Variants in LAMB4 observed in about 807,000 individuals in gnomAD.
LAMB4 encodes the protein laminin subunit beta 4, also known as laminin subunit beta-4.
A neutral mutation model predicts 199.2 loss-of-function variants in LAMB4; 196 were observed. The ratio of observed to expected loss-of-function variants is 0.98; its 90% CI spans 0.88 to 1.11. The LOEUF is 1.11. LAMB4 is among the 50% of genes least tolerant of loss of function. The pLI is 0.00. For missense variants in LAMB4, 2,080 were observed against 2,171.2 expected (o/e 0.96, Z 0.83); for synonymous variants, 744 against 770.6 (o/e 0.97, Z 0.57).
In LAMB4 at chr7:108,120,824, T is replaced by C. The variant is rs2038572137; in HGVS notation, c.34+2307A>G. 2.0e-5 allele frequency among the ~76,000 whole-genome samples: 3 copies of C among 152,248 alleles called. No homozygotes were observed. The South Asian group carries it at 6.2e-4, about 31-fold the overall frequency. ...CTGGATTTTTTTTTAATTGGAATTG[T>C]TGCCTTAGAGATTTAACATGTTTTT... On this transcript the variant is annotated intron_variant, in intron 2 of 33. Coordinates refer to ENST00000388781, the MANE Select transcript of LAMB4 (RefSeq NM_007356.3).
downstream of LAMB4, among the ~76,000 whole-genome samples, chr7:108,019,147 A>G (rs1321611115): frequency 6.6e-6 from 1 of 152,194 alleles, no homozygotes; most frequent in African/African-American, 2.4e-5. Context: ...TCTGTAGGTT[A>G]AAAGTCCAAT....
Position 108,066,502 on chromosome 7 carries a change from G to C in LAMB4, c.2545C>G (p.Arg849Gly). 6.2e-7 allele frequency: 1 copy of C among 1,614,088 alleles called. No individual in the cohort carries two copies. Among genetic ancestry groups the C allele is most frequent in the South Asian group, 1.1e-5 (1 of 91,058 alleles). The change falls in exon 20 of 34, where the codon CGC becomes GGC. Residue 849 changes from arginine to glycine, a missense_variant. By Grantham distance (125) the Arg-to-Gly change is moderately radical. Transcript: ENST00000388781. ...AATCCAAAGTAGCCTGCCAGGCAGC[G>C]ATCACAGCGGCGGCCAGACACCTCT... Reference protein sequence around the residue: ...HGEVSGRRCDRCLAGYFGFPS... With the variant: ...HGEVSGRRCDGCLAGYFGFPS...
chr7:108,053,183 C>G (rs992030582), intron 25 of LAMB4, among the ~76,000 whole-genome samples: 2 of 152,212 alleles, frequency 1.3e-5, no homozygotes, highest in African/African-American at 4.8e-5. Flanking sequence ...TTGAGTAATT[C>G]TCACAAGAAT....
rs149059069 is a variant in LAMB4 at position 108,110,061 on chromosome 7, G to T, written c.329-817C>A. On this transcript the variant is annotated intron_variant, in intron 4 of 33. Transcript: ENST00000388781. ...AGTGATTTTTTAAAGACAGAGTCTC[G>T]CTCTGTCCCCCAGACTGGAGTGCAG... 2.5e-3 allele frequency among the ~76,000 whole-genome samples: 379 copies of T among 152,180 alleles called. 3 individuals are homozygous for T. The highest frequency in any genetic ancestry group is 8.6e-3 in the African/African-American group (359 of 41,510).
rs1245564372 is a variant in LAMB4 at position 108,029,191 on chromosome 7, A to G, written c.4998T>C (p.Phe1666=). The G allele has an allele frequency of 6.2e-7, 1 of 1,611,562 alleles. No individual in the cohort carries two copies. The highest frequency in any genetic ancestry group is 8.5e-7 in the Non-Finnish European group (1 of 1,179,258). Residue 1666 remains phenylalanine (F), a synonymous_variant, in exon 33 of 34, where the codon TTT becomes TTC. Transcript: ENST00000388781. ...QHQAGSLEKE[F]VELKKQYAIL... Reference sequence around the variant, plus strand: ...TAGCATATTGTTTTTTCAGCTCAACAAATTCCTGTAACAAGCAACACTTGC... The same window carrying G: ...TAGCATATTGTTTTTTCAGCTCAACGAATTCCTGTAACAAGCAACACTTGC...
intron 20 of LAMB4, 101 bp downstream of exon 20, chr7:108,066,268 C>T (rs2036337457): frequency 1.1e-6 from 1 of 877,890 alleles, no homozygotes; most frequent in Non-Finnish European, 1.8e-6. Flanking sequence ...TCCTCCCTCC[C>T]ACACTTAAAT....
chr7:108,096,767 C>CAAA (rs1207456579), intron 11 of LAMB4, among the ~76,000 whole-genome samples: 3 of 67,540 alleles, frequency 4.4e-5, no homozygotes, highest in African/African-American at 5.1e-5. Flanking sequence ...CTCCGTCTCT[C>CAAA]AAAAAAAAAA....
chr7:108,121,539 CA>C (rs1225250834), intron 2 of LAMB4, among the ~76,000 whole-genome samples: 1 of 152,104 alleles, frequency 6.6e-6, no homozygotes, highest in Non-Finnish European at 1.5e-5. Context: ...CACCTGAGGT[CA>C]GGAGTTCAAG....
At chr7:108,070,623 A>G (rs1466773880) in intron 17 of LAMB4, among the ~76,000 whole-genome samples, 1 of 152,206 alleles carries the variant, frequency 6.6e-6, no homozygotes, top group Non-Finnish European at 1.5e-5. Flanking sequence ...TCTTAATAAC[A>G]TATTCTTTTC....
chr7:108,109,329 T>C, intron 4 of LAMB4, 85 bp from the exon 5 acceptor site: 1 of 986,502 alleles, frequency 1.0e-6, no homozygotes. Context: ...GGCTTATCTG[T>C]AATAAAATCT....
chr7:108,070,080 C>T (rs1408937905), intron 17 of LAMB4, among the ~76,000 whole-genome samples, 195 bp from the exon 18 acceptor site: 1 of 151,796 alleles, frequency 6.6e-6, no homozygotes, highest in Non-Finnish European at 1.5e-5. Flanking sequence ...TATTTCTGGA[C>T]TTGTGGCTAA....
intron 10 of LAMB4, among the ~76,000 whole-genome samples, chr7:108,101,745 T>C (rs748090341): frequency 3.3e-5 from 5 of 152,186 alleles, no homozygotes; most frequent in Non-Finnish European, 7.3e-5. Flanking sequence ...CTCTCAGATT[T>C]GTGCAAGCAG....
Position 108,111,196 on chromosome 7 carries a change from G to A in LAMB4, c.328+615C>T, listed in dbSNP as rs574197647. Among the ~76,000 whole-genome samples, 4 of 152,240 alleles carry A rather than the reference G, an allele frequency of 2.6e-5. No individual in the cohort carries two copies. The South Asian group carries it at 8.3e-4, about 32-fold the overall frequency. ...CACATGAGGCCCATGGCTGGGGGTGGGACATGAGGATCCCTGATCAAGTCC... is the reference window on the plus strand; with the variant it reads ...CACATGAGGCCCATGGCTGGGGGTGAGACATGAGGATCCCTGATCAAGTCC... On this transcript the variant is annotated intron_variant, in intron 4 of 33. Coordinates refer to ENST00000388781, the MANE Select transcript of LAMB4 (RefSeq NM_007356.3).
At chr7:108,014,519 T>C in the LAMB4 span, among the ~76,000 whole-genome samples, 27 of 152,342 alleles carry the variant, frequency 1.8e-4, no homozygotes, top group South Asian at 5.4e-3. Context: ...TCAAATTGTC[T>C]ACATATTATT....
downstream of LAMB4, among the ~76,000 whole-genome samples, chr7:108,019,386 G>A (rs773715849): frequency 3.3e-5 from 5 of 151,844 alleles, no homozygotes; most frequent in Non-Finnish European, 5.9e-5. Flanking sequence ...GTGATTACAC[G>A]GGGCCCACCT....
intron 18 of LAMB4, among the ~76,000 whole-genome samples, chr7:108,068,953 T>G (rs1489664029): frequency 6.6e-6 from 1 of 152,218 alleles, no homozygotes; most frequent in Non-Finnish European, 1.5e-5. Flanking sequence ...CCCAAAGTGC[T>G]GGGATTACAG....
chr7:108,043,731 T>A, intron 29 of LAMB4, 21 bp downstream of exon 29: 1 of 1,485,834 alleles, frequency 6.7e-7, no homozygotes, highest in Non-Finnish European at 9.2e-7. Flanking sequence ...AAACTAGTCC[T>A]AATATATATT....
intron 17 of LAMB4, among the ~76,000 whole-genome samples, chr7:108,071,391 C>T (rs1019637933): frequency 3.9e-5 from 6 of 152,218 alleles, no homozygotes. Context: ...CTTGGCCACA[C>T]TGGGCCACCA....
intron 30 of LAMB4, among the ~76,000 whole-genome samples, chr7:108,035,618 A>G (rs1036596273): frequency 2.7e-5 from 4 of 150,710 alleles, no homozygotes; most frequent in African/African-American, 7.3e-5. Context: ...AAAAAAAAAA[A>G]AAAAGAAAAA....
Sources: allele counts gnomAD v4.1 joint callset (sites outside exome capture counted in the v4.1 genomes callset), GRCh38; gene constraint gnomAD v4.1.1; transcripts MANE v1.5; gene names NCBI Gene and HGNC (gene_info 2026-07-23, HGNC 2026-07-21).